ABLIM2: variants seen among roughly 807,000 people sequenced by gnomAD.
ABLIM2 encodes the protein actin-binding LIM protein 2.
Under a neutral mutation model 97.7 loss-of-function variants are expected in ABLIM2, and 53 were observed. The observed-to-expected ratio is 0.54, with a 90% CI of 0.44 to 0.68. ABLIM2 has a LOEUF of 0.68. ABLIM2 is among the 30% of genes least tolerant of loss of function. The probability of loss-of-function intolerance (pLI) is 0.00; values close to 1 mark genes in which losing one functional copy is unlikely to be tolerated. For missense variants in ABLIM2, 835 were observed against 867.2 expected (o/e 0.96, Z 0.47); for synonymous variants, 361 against 345.8 (o/e 1.04, Z -0.49).
At chr4:8,074,776 CTTTTTTTT>C (rs71175458) in intron 6 of ABLIM2, among the ~76,000 whole-genome samples, 1 of 105,046 alleles carries the variant, frequency 9.5e-6, no homozygotes, top group African/African-American at 3.7e-5. Context: ...CCTGGTAATT[CTTTTTTTT>C]TTTTTTTTTT....
Position 8,058,380 on chromosome 4 carries a change from T to C in ABLIM2, c.763+2587A>G, listed in dbSNP as rs1800687288. Among the ~76,000 whole-genome samples the C allele has an allele frequency of 6.6e-6, 1 of 152,160 alleles. No individual in the cohort carries two copies. Among genetic ancestry groups the C allele is most frequent in the South Asian group, 2.1e-4 (1 of 4,828 alleles). On this transcript the variant is annotated intron_variant, in intron 7 of 20. Transcript: ENST00000447017. This position sits in a 1 kb window ranked among gnomAD's most constrained non-coding sequence, Gnocchi z 4.2. ...GTTCGGCCTGAGAAAGGCAGGCCTG[T>C]GTGATCCACGGCCCTGTGACAATGG... is the stretch of plus-strand genomic sequence containing the variant.
chr4:8,133,314 C>T (rs1326819493), intron 1 of ABLIM2, among the ~76,000 whole-genome samples: 7 of 152,194 alleles, frequency 4.6e-5, no homozygotes, highest in Admixed American at 2.0e-4. Flanking sequence ...CAACCCACAG[C>T]GGCGGCTTTC....
intron 7 of ABLIM2, among the ~76,000 whole-genome samples, chr4:8,060,012 G>A (rs958066051): frequency 2.0e-5 from 3 of 151,714 alleles, no homozygotes; most frequent in East Asian, 1.9e-4. Context: ...CCCTTTGCAC[G>A]TACACAAGGT....
chr4:8,068,120 T>C lies in ABLIM2; in HGVS notation c.676-7066A>G, dbSNP rs922417437. ...CGGTACAGTGGCCACATCCTCCCAA[T>C]TGCCACCCGAGGAGTGCCTGAAACC... On this transcript the variant is annotated intron_variant, in intron 6 of 20. Coordinates refer to ENST00000447017, the MANE Select transcript of ABLIM2 (RefSeq NM_001130083.2). This position sits in a 1 kb window ranked among gnomAD's most constrained non-coding sequence, Gnocchi z 4.5. Among the ~76,000 whole-genome samples the C allele has an allele frequency of 3.3e-5, 5 of 151,918 alleles. No individual in the cohort carries two copies. The highest frequency in any genetic ancestry group is 1.9e-4 in the East Asian group (1 of 5,178).
intron 3 of ABLIM2, 23 bp from the exon 4 acceptor site, chr4:8,088,307 C>T: frequency 6.3e-7 from 1 of 1,593,952 alleles, no homozygotes; most frequent in Non-Finnish European, 8.6e-7. Flanking sequence ...AGCTCGTTAC[C>T]AGCCAGGCCC....
At chr4:8,077,782 C>T (rs1817214174) in intron 5 of ABLIM2, 61 bp from the exon 6 acceptor site, 2 of 1,388,720 alleles carry the variant, frequency 1.4e-6, no homozygotes. Flanking sequence ...TGAGATCTAA[C>T]AACCCTCACC....
chr4:8,053,555 T>C (rs112429606), intron 8 of ABLIM2, among the ~76,000 whole-genome samples: 10 of 152,306 alleles, frequency 6.6e-5, no homozygotes, highest in African/African-American at 2.2e-4. Flanking sequence ...CCTAACACTG[T>C]AGTTGTTCTC....
intron 14 of ABLIM2, among the ~76,000 whole-genome samples, chr4:8,016,219 T>C (rs769841932): frequency 1.3e-5 from 2 of 152,016 alleles, no homozygotes; most frequent in Non-Finnish European, 2.9e-5. Context: ...AATTTTGGTA[T>C]TTTTAGTAGA....
At chr4:7,991,614 G>C (rs994909156) in intron 17 of ABLIM2, among the ~76,000 whole-genome samples, 16 of 152,220 alleles carry the variant, frequency 1.1e-4, no homozygotes, top group African/African-American at 3.9e-4. Flanking sequence ...ATGAAAAATG[G>C]AGAATTCCCT....
rs534336522 is a variant in ABLIM2, at chr4:8,072,936, C to T, written c.675+4692G>A. 2.0e-5 allele frequency among the ~76,000 whole-genome samples: 3 copies of T among 152,064 alleles called. No homozygotes were observed. Among genetic ancestry groups the T allele is most frequent in the Non-Finnish European group, 1.5e-5 (1 of 68,032 alleles). On this transcript the variant is annotated intron_variant, in intron 6 of 20. Transcript: ENST00000447017. The surrounding 1 kb of genome is among the most constrained non-coding windows in gnomAD (Gnocchi z 5.8). ...TAGGGTTTCCTGCACACAAAGCCCC[C>T]GGATCTGCAGAAGAGCAGGGAGAGT...
At chr4:8,142,554 G>A (rs569935898) in intron 1 of ABLIM2, among the ~76,000 whole-genome samples, 1 of 152,348 alleles carries the variant, frequency 6.6e-6, no homozygotes, top group South Asian at 2.1e-4. Flanking sequence ...GCCCTCTGCT[G>A]CTCTTGAGTG....
chr4:8,049,450 G>GC (rs1794633735), intron 8 of ABLIM2, among the ~76,000 whole-genome samples: 1 of 152,156 alleles, frequency 6.6e-6, no homozygotes, highest in Admixed American at 6.5e-5. Flanking sequence ...TATCCACTTG[G>GC]CCAGGGCATG....
chr4:7,982,636 C>T (rs1035168732), intron 20 of ABLIM2, among the ~76,000 whole-genome samples: 1 of 152,050 alleles, frequency 6.6e-6, no homozygotes, highest in African/African-American at 2.4e-5. Context: ...TAAGTGTGGT[C>T]GGGTGGGAAG....
At chr4:8,151,779 G>T (rs1712890972) in intron 1 of ABLIM2, among the ~76,000 whole-genome samples, 1 of 151,612 alleles carries the variant, frequency 6.6e-6, no homozygotes, top group South Asian at 2.1e-4. Flanking sequence ...ACGCTGCTGG[G>T]CTGGGCTGTG....
At chr4:8,031,581 G>A (rs1165982291) in intron 10 of ABLIM2, among the ~76,000 whole-genome samples, 13 of 152,246 alleles carry the variant, frequency 8.5e-5, no homozygotes, top group South Asian at 4.2e-4. Flanking sequence ...TGAGCCGACC[G>A]CTGGGCTGAA....
At chr4:8,034,981 G>T (rs1783596893) in intron 10 of ABLIM2, among the ~76,000 whole-genome samples, 1 of 127,770 alleles carries the variant, frequency 7.8e-6, no homozygotes, top group Non-Finnish European at 1.7e-5. Flanking sequence ...GGTGGGTGGT[G>T]GGTGGTAGGT....
rs561939964 is a variant in ABLIM2, at chr4:7,998,616, C to A, written c.1619-5689G>T. ...GCGGGGTGCCTGCTGGCCACCTGCCCATCTGCTAGTGTGGCTGCAGGAGGA... is the reference window on the plus strand; with the variant it reads ...GCGGGGTGCCTGCTGGCCACCTGCCAATCTGCTAGTGTGGCTGCAGGAGGA... On this transcript the variant is annotated intron_variant, in intron 16 of 20. Transcript: ENST00000447017. This position sits in a 1 kb window ranked among gnomAD's most constrained non-coding sequence, Gnocchi z 6.4. 1.8e-4 allele frequency: 92 copies of A among 501,442 alleles called. 1 individual carries two copies. The highest frequency in any genetic ancestry group is 1.3e-3 in the South Asian group (89 of 68,356). The allele number at this position is 501,442 out of a possible 1,614,324, so 31.1% of individuals were successfully genotyped here.
At chr4:8,100,231 C>T (rs1217946200) in intron 2 of ABLIM2, among the ~76,000 whole-genome samples, 1 of 152,216 alleles carries the variant, frequency 6.6e-6, no homozygotes, top group East Asian at 1.9e-4. Flanking sequence ...ATGACTGTCA[C>T]AGAAATTCAG....
rs1162015724 is a variant in ABLIM2 at position 8,158,663 on chromosome 4, C to G, written c.10+17G>C. The stretch of plus-strand genomic sequence containing the variant: ...CCAGCGCGGGGACCCGTTGGTCCCT[C>G]GGTCCCCAGCACCCACCTGCACTCA... On this transcript the variant is annotated intron_variant, in intron 1 of 20. Coordinates refer to ENST00000447017, the MANE Select transcript of ABLIM2 (RefSeq NM_001130083.2). 6.7e-7 allele frequency: 1 copy of G among 1,503,080 alleles called. No individual in the cohort carries two copies. Among genetic ancestry groups the G allele is most frequent in the African/African-American group, 1.4e-5 (1 of 69,112 alleles). The allele number at this position is 1,503,080 out of a possible 1,614,324, so 93.1% of individuals were successfully genotyped here. A position where few individuals can be genotyped will look rare whatever the true frequency, so the allele number is the denominator to read the frequency against.
Sources: allele counts gnomAD v4.1 joint callset (sites outside exome capture counted in the v4.1 genomes callset), GRCh38; gene constraint gnomAD v4.1.1; non-coding constraint Gnocchi (gnomAD v3.1); transcripts MANE v1.5; gene names NCBI Gene and HGNC (gene_info 2026-07-23, HGNC 2026-07-21).